MYO18B: variants seen among roughly 807,000 people sequenced by gnomAD.
MYO18B encodes unconventional myosin-XVIIIb.
Under a neutral mutation model 273.0 loss-of-function variants are expected in MYO18B, and 204 were observed. That is an observed-to-expected ratio of 0.75 (90% confidence interval 0.67 to 0.84). The LOEUF (loss-of-function observed/expected upper bound fraction) is 0.84, where lower values mean the gene tolerates loss of function less well. Among genes scored for constraint, MYO18B ranks in the 40% least tolerant of loss-of-function variants. MYO18B has a pLI of 0.00. For synonymous variants in MYO18B, 1,330 were observed against 1,305.7 expected (o/e 1.02, Z -0.40); for missense variants, 3,212 against 3,287.6 (o/e 0.98, Z 0.56).
chr22:26,023,926 G>T (rs1601857828), intron 42 of MYO18B, among the ~76,000 whole-genome samples: 1 of 152,290 alleles, frequency 6.6e-6, no homozygotes, highest in African/African-American at 2.4e-5. Context: ...AATCACAAAA[G>T]AGCCCTCCAT....
chr22:25,876,821 A>G (rs2091213732), intron 24 of MYO18B: 1 of 152,238 alleles, frequency 6.6e-6, no homozygotes, highest in South Asian at 2.1e-4. Context: ...CTTACATAAA[A>G]AGTAGAATAC....
intron 39 of MYO18B, among the ~76,000 whole-genome samples, chr22:25,988,446 G>A (rs1173193009): frequency 1.3e-5 from 2 of 152,244 alleles, no homozygotes; most frequent in East Asian, 3.9e-4. Flanking sequence ...GTGGAGGGTG[G>A]AAGGTAGTGG....
At chr22:25,901,520 A>T (rs1318643005) in intron 29 of MYO18B, 1 of 152,178 alleles carries the variant, frequency 6.6e-6, no homozygotes, top group African/African-American at 2.4e-5. Flanking sequence ...TCCCTGGATG[A>T]CTTTCAGTAG....
At chr22:25,823,374 T>A in intron 12 of MYO18B, 131 bp from the exon 13 acceptor site, 1 of 1,014,252 alleles carries the variant, frequency 9.9e-7, no homozygotes, top group Non-Finnish European at 1.4e-6. Context: ...TGGGCAGTTG[T>A]CCAAGCTCCC....
rs2091982218 is a variant in MYO18B, at chr22:25,903,665, A to C, written c.4982A>C (p.Gln1661Pro). 1 of 1,609,704 alleles carries C rather than the reference A, an allele frequency of 6.2e-7. No individual in the cohort carries two copies. The highest frequency in any genetic ancestry group is 2.2e-5 in the East Asian group (1 of 44,754). Residue 1661 changes from glutamine to proline, a missense_variant, in exon 31 of 44, where the codon CAG (glutamine) becomes CCG (proline). Gln to Pro is a moderately conservative substitution (Grantham distance 76, BLOSUM62 -1). Coordinates refer to ENST00000335473, the MANE Select transcript of MYO18B (RefSeq NM_032608.7). Reference protein sequence around the residue: ...KEQEASQLKQQVEMLQDHKRE... With the variant: ...KEQEASQLKQPVEMLQDHKRE... ...CAGGAAGCCTCACAGCTGAAGCAGCAGGTGGAGATGCTACAGGACCATAAA... is the reference window on the plus strand; with the variant it reads ...CAGGAAGCCTCACAGCTGAAGCAGCCGGTGGAGATGCTACAGGACCATAAA...
At chr22:25,955,991 C>T (rs2092846976) in intron 39 of MYO18B, among the ~76,000 whole-genome samples, 1 of 152,208 alleles carries the variant, frequency 6.6e-6, no homozygotes, top group Non-Finnish European at 1.5e-5. Flanking sequence ...CGTCTAAATC[C>T]TCATTTCAGA....
In MYO18B at chr22:25,921,258, T is replaced by C; in HGVS notation, c.5366T>C (p.Ile1789Thr). The change falls in exon 34 of 44, where the codon ATT becomes ACT. Residue 1789 changes from isoleucine (I) to threonine (T), a missense_variant and splice_region_variant. Coordinates refer to ENST00000335473, the MANE Select transcript of MYO18B (RefSeq NM_032608.7). ...CATGGGTCTCCCTTTGGCTTTCAGA[T>C]TGGCCATCGGGACTTTGATGTGGAG... Reference protein sequence around the residue: ...EGLIGTLCDQIGHRDFDVEKR... With the variant: ...EGLIGTLCDQTGHRDFDVEKR... 2.6e-6 allele frequency: 4 copies of C among 1,550,530 alleles called. No homozygotes were observed. Among genetic ancestry groups the C allele is most frequent in the Middle Eastern group, 1.7e-4 (1 of 5,988 alleles).
At chr22:25,867,698 C>T (rs900022272) in intron 21 of MYO18B, among the ~76,000 whole-genome samples, 14 of 152,046 alleles carry the variant, frequency 9.2e-5, no homozygotes, top group African/African-American at 2.7e-4. Flanking sequence ...GGTGCAGTCT[C>T]GGCTCACTGC....
chr22:25,920,087 C>T (rs568268354), intron 33 of MYO18B, among the ~76,000 whole-genome samples: 1 of 152,304 alleles, frequency 6.6e-6, no homozygotes, highest in East Asian at 1.9e-4. Context: ...TAGATCTGCT[C>T]ATTCTCAACC....
chr22:25,963,183 C>CACACAT (rs1472799490), intron 39 of MYO18B, among the ~76,000 whole-genome samples: 74 of 145,604 alleles, frequency 5.1e-4, no homozygotes, highest in African/African-American at 1.7e-3. Context: ...CTCTCTCACA[C>CACACAT]ACACACACAC....
intron 33 of MYO18B, among the ~76,000 whole-genome samples, chr22:25,912,987 A>C (rs954106717): frequency 6.6e-6 from 1 of 152,148 alleles, no homozygotes; most frequent in Non-Finnish European, 1.5e-5. Flanking sequence ...ATTTTTTTAA[A>C]ATCTCCTACT....
At chr22:25,803,967 A>AAC (rs151023852) in intron 12 of MYO18B, among the ~76,000 whole-genome samples, 19,179 of 136,710 alleles carry the variant, frequency 0.14, 1,408 homozygotes, top group East Asian at 0.29. Flanking sequence ...TGACCCAGTG[A>AAC]ACACACACAC....
chr22:25,892,045 G>C (rs1043664791), intron 27 of MYO18B, among the ~76,000 whole-genome samples: 21 of 152,320 alleles, frequency 1.4e-4, no homozygotes, highest in Non-Finnish European at 2.9e-4. Flanking sequence ...TTTGAGGAAG[G>C]CTGTCTAGTG....
rs534838204 is a variant in MYO18B at position 25,858,046 on chromosome 22, G to A, written c.3885+6467G>A. Among the ~76,000 whole-genome samples, 11 of 152,318 alleles carry A rather than the reference G, an allele frequency of 7.2e-5. 1 individual carries two copies. The highest frequency in any genetic ancestry group is 1.3e-4 in the Admixed American group (2 of 15,304). On this transcript the variant is annotated intron_variant, in intron 21 of 43. Transcript: ENST00000335473. Reference sequence around the variant, plus strand: ...TGTGTGCATGTGCATTTGGTTTTTGGATAGTTTCTGCCTTTTTCCAGGCAT... The same window carrying A: ...TGTGTGCATGTGCATTTGGTTTTTGAATAGTTTCTGCCTTTTTCCAGGCAT...
intron 40 of MYO18B, among the ~76,000 whole-genome samples, chr22:25,996,154 G>A (rs1379685305): frequency 2.0e-5 from 3 of 152,188 alleles, no homozygotes; most frequent in African/African-American, 4.8e-5. Flanking sequence ...CCTTGGACAA[G>A]TTATTCAACC....
chr22:25,911,327 C>A lies in MYO18B; in HGVS notation c.5364+277C>A, dbSNP rs548052044. On this transcript the variant is annotated intron_variant, in intron 33 of 43. Coordinates refer to ENST00000335473, the MANE Select transcript of MYO18B (RefSeq NM_032608.7). ...TTGGGATCAGAGTCCACCAGACAGT[C>A]CTTCCTTTAAGGGGATGTATGTGAA... 2.0e-4 allele frequency among the ~76,000 whole-genome samples: 30 copies of A among 152,338 alleles called. 1 individual carries two copies. The highest frequency in any genetic ancestry group is 7.8e-4 in the Admixed American group (12 of 15,308).
chr22:25,764,724 A>G (rs133894), intron 3 of MYO18B, among the ~76,000 whole-genome samples: 37,485 of 152,150 alleles, frequency 0.25, 4,934 homozygotes, highest in African/African-American at 0.33. Context: ...GTGGGGGCCA[A>G]AGTTGACCCC....
chr22:25,845,097 C>A (rs2090194887), intron 18 of MYO18B, among the ~76,000 whole-genome samples: 1 of 152,210 alleles, frequency 6.6e-6, no homozygotes, highest in African/African-American at 2.4e-5. Context: ...GGTTCCAAAG[C>A]TCCCATGTCT....
chr22:25,829,484 C>T (rs1283872009), intron 15 of MYO18B, among the ~76,000 whole-genome samples: 1 of 148,026 alleles, frequency 6.8e-6, no homozygotes, highest in Non-Finnish European at 1.5e-5. Context: ...AACCAGGAAG[C>T]ATGTACAGGC....
Sources: gnomAD v4.1 joint callset for allele counts (sites outside exome capture counted in the v4.1 genomes callset) on GRCh38, gnomAD v4.1.1 for gene constraint, MANE v1.5 for transcripts, NCBI Gene and HGNC (gene_info 2026-07-23, HGNC 2026-07-21) for gene names.